Variants in COL6A6 observed in about 807,000 individuals in gnomAD.
COL6A6 encodes the protein collagen alpha-6(VI) chain.
COL6A6 carries 183 observed loss-of-function variants against 208.6 expected under a neutral mutation model. The observed-to-expected ratio is 0.88, with a 90% CI of 0.78 to 0.99. COL6A6 has a LOEUF of 0.99. Ranked by LOEUF, COL6A6 falls within the 50% of genes least tolerant of loss-of-function variation. The pLI is 0.00. For synonymous variants in COL6A6, 973 were observed against 1,011.8 expected (o/e 0.96, Z 0.73); for missense variants, 2,816 against 2,815.2 (o/e 1.00, Z -0.01).
At chr3:130,567,575 AG>A (rs1218455919) in intron 5 of COL6A6, among the ~76,000 whole-genome samples, 1 of 152,220 alleles carries the variant, frequency 6.6e-6, no homozygotes, top group East Asian at 1.9e-4. Flanking sequence ...TCAGATTGTA[AG>A]GAGTTCTTCA....
At chr3:130,668,332 G>A (rs1407725037) in intron 36 of COL6A6, among the ~76,000 whole-genome samples, 1 of 152,078 alleles carries the variant, frequency 6.6e-6, no homozygotes, top group Non-Finnish European at 1.5e-5. Flanking sequence ...CAAGAAATTA[G>A]CTGGGCGTGG....
Position 130,568,253 on chromosome 3 carries a change from G to A in COL6A6, c.2050G>A (p.Asp684Asn), listed in dbSNP as rs199872103. ...GCTCAACAGATTCATGTCCCAAAGC[G>A]ACATTTCAAATGCAATAGACCAAAT... ...FQLNRFMSQSDISNAIDQMAH... is the reference protein window; with the variant it reads ...FQLNRFMSQSNISNAIDQMAH... The change falls in exon 6 of 37, where the codon GAC becomes AAC. Residue 684 changes from aspartate to asparagine, a missense_variant. By Grantham distance (23) the Asp-to-Asn change is conservative (BLOSUM62 1). Coordinates refer to ENST00000358511, the MANE Select transcript of COL6A6 (RefSeq NM_001102608.3). 5.6e-5 allele frequency: 91 copies of A among 1,613,992 alleles called. No homozygotes were observed. The African/African-American group carries it at 1.1e-3, about 19-fold the overall frequency.
At chr3:130,572,901 G>A (rs1191671823) in intron 7 of COL6A6, among the ~76,000 whole-genome samples, 1 of 152,100 alleles carries the variant, frequency 6.6e-6, no homozygotes, top group African/African-American at 2.4e-5. Context: ...TCATGGAAAC[G>A]ATCATGCTTA....
chr3:130,649,039 T>G, intron 32 of COL6A6, 30 bp from the exon 33 acceptor site: 1 of 1,437,660 alleles, frequency 7.0e-7, no homozygotes, highest in South Asian at 1.6e-5. Context: ...TAAATAAGGA[T>G]GCTATGTGTT....
chr3:130,530,937 T>G (rs2062066455), intron 1 of COL6A6, among the ~76,000 whole-genome samples: 1 of 151,966 alleles, frequency 6.6e-6, no homozygotes, highest in South Asian at 2.1e-4. Context: ...CTCCGCAAAT[T>G]TGGGACTTGT....
chr3:130,518,312 C>T (rs1412762012), intron 1 of COL6A6, among the ~76,000 whole-genome samples: 11 of 152,202 alleles, frequency 7.2e-5, no homozygotes, highest in African/African-American at 2.2e-4. Flanking sequence ...TTACAGAATT[C>T]AGCAGTCATG....
At chr3:130,557,796 C>T (rs976492288) in intron 1 of COL6A6, among the ~76,000 whole-genome samples, 1 of 152,164 alleles carries the variant, frequency 6.6e-6, no homozygotes. Flanking sequence ...TTAATAGCCC[C>T]AAGAGGTGTT....
chr3:130,531,137 G>A (rs1435914332), intron 1 of COL6A6, among the ~76,000 whole-genome samples: 1 of 150,988 alleles, frequency 6.6e-6, no homozygotes. Flanking sequence ...TGTTTCGCTG[G>A]AGAACCCTAA....
rs200246665 is a variant in COL6A6, at chr3:130,621,824, C to A, written c.4819C>A (p.Pro1607Thr). The A allele has an allele frequency of 3.4e-4, 541 of 1,613,402 alleles. No individual in the cohort carries two copies. The highest frequency in any genetic ancestry group is 4.5e-4 in the Non-Finnish European group (525 of 1,179,612). ...CAAACCCCTTGTTTTGTTTCAGGGG[C>A]CTCCAGGACCCGGAGGAGAGGCAGG... ...GGVGSKGPQGPPGPGGEAGNQ... is the reference protein window; with the variant it reads ...GGVGSKGPQGTPGPGGEAGNQ... The change falls in exon 24 of 37, where the codon CCT (proline) becomes ACT (threonine). Residue 1607 changes from proline to threonine, a missense_variant. Physicochemically the swap from Pro to Thr is conservative, Grantham distance 38. Coordinates refer to ENST00000358511, the MANE Select transcript of COL6A6 (RefSeq NM_001102608.3).
chr3:130,670,660 G>A (rs539685252), intron 36 of COL6A6, among the ~76,000 whole-genome samples: 76 of 152,268 alleles, frequency 5.0e-4, no homozygotes, highest in South Asian at 1.0e-3. Context: ...GGAAGGCAGC[G>A]GCCATCCACC....
intron 31 of COL6A6, 96 bp from the exon 32 acceptor site, chr3:130,644,895 A>C: frequency 8.6e-7 from 1 of 1,159,010 alleles, no homozygotes; most frequent in Non-Finnish European, 1.3e-6. Context: ...GTCATCTACA[A>C]AAAGCAGACA....
chr3:130,668,063 C>T (rs903324472), intron 36 of COL6A6, among the ~76,000 whole-genome samples: 1 of 150,064 alleles, frequency 6.7e-6, no homozygotes, highest in African/African-American at 2.5e-5. Context: ...AAAAGACAAG[C>T]AGAAGGCACA....
At chr3:130,600,395 A>C (rs909560964) in intron 20 of COL6A6, among the ~76,000 whole-genome samples, 1 of 152,196 alleles carries the variant, frequency 6.6e-6, no homozygotes, top group African/African-American at 2.4e-5. Flanking sequence ...AAATCATTCT[A>C]CTAGAAAAAC....
At chr3:130,533,355 C>A (rs180724919) in intron 1 of COL6A6, among the ~76,000 whole-genome samples, 8 of 151,918 alleles carry the variant, frequency 5.3e-5, no homozygotes, top group Non-Finnish European at 8.8e-5. Context: ...TGCCACTTAC[C>A]CTCCAACCCT....
chr3:130,564,487 T>C (rs2062969149), intron 3 of COL6A6, among the ~76,000 whole-genome samples: 1 of 152,248 alleles, frequency 6.6e-6, no homozygotes, highest in Non-Finnish European at 1.5e-5. Flanking sequence ...CTGATATATA[T>C]ACTTACCTAT....
At position 130,594,283 on chromosome 3, in the gene COL6A6, A is replaced by T. The variant is rs2063791398; in HGVS notation, c.4473A>T (p.Gly1491=). 3.1e-6 allele frequency: 5 copies of T among 1,611,154 alleles called. No homozygotes were observed. The highest frequency in any genetic ancestry group is 4.2e-6 in the Non-Finnish European group (5 of 1,177,726). The part of the protein sequence containing the change: ...KGEKGDEGSQ[G]SPGKRGTPGD... ...CTTCTGATTTGTATTAACTTTAGGGAAGCCCAGGGAAGAGAGGGACTCCTG... is the reference window on the plus strand; with the variant it reads ...CTTCTGATTTGTATTAACTTTAGGGTAGCCCAGGGAAGAGAGGGACTCCTG... Residue 1491 remains glycine (G), a splice_region_variant and synonymous_variant, in exon 18 of 37, where the codon GGA becomes GGT. Coordinates refer to ENST00000358511, the MANE Select transcript of COL6A6 (RefSeq NM_001102608.3).
intron 1 of COL6A6, among the ~76,000 whole-genome samples, chr3:130,543,796 A>T (rs2062429605): frequency 6.6e-6 from 1 of 151,884 alleles, no homozygotes; most frequent in Non-Finnish European, 1.5e-5. Context: ...TTATTTTCTG[A>T]TGCTTTTTAT....
At chr3:130,641,236 C>T (rs747973880) in intron 28 of COL6A6, among the ~76,000 whole-genome samples, 1 of 147,546 alleles carries the variant, frequency 6.8e-6, no homozygotes, top group Non-Finnish European at 1.5e-5. Flanking sequence ...CAACAACAAA[C>T]AGTAAGGGAC....
intron 11 of COL6A6, among the ~76,000 whole-genome samples, chr3:130,588,093 T>C (rs1389505090): frequency 6.6e-6 from 1 of 152,218 alleles, no homozygotes; most frequent in Non-Finnish European, 1.5e-5. Flanking sequence ...AATCATAGTA[T>C]CCATTTTGTT....
Sources: gnomAD v4.1 joint callset for allele counts (sites outside exome capture counted in the v4.1 genomes callset) on GRCh38, gnomAD v4.1.1 for gene constraint, MANE v1.5 for transcripts, NCBI Gene and HGNC (gene_info 2026-07-23, HGNC 2026-07-21) for gene names.